CNTNAP2: variants seen among roughly 807,000 people sequenced by gnomAD.
CNTNAP2 encodes contactin-associated protein-like 2.
Under a neutral mutation model 155.2 loss-of-function variants are expected in CNTNAP2, and 98 were observed. That is an observed-to-expected ratio of 0.63 (90% CI 0.54 to 0.75). The LOEUF (loss-of-function observed/expected upper bound fraction) is 0.75. Among genes scored for constraint, CNTNAP2 ranks in the 30% least tolerant of loss-of-function variants. The pLI is 0.00. For missense variants in CNTNAP2, 1,727 were observed against 1,688.1 expected (o/e 1.02, Z -0.40); for synonymous variants, 651 against 631.2 (o/e 1.03, Z -0.47).
intron 21 of CNTNAP2, among the ~76,000 whole-genome samples, chr7:148,291,298 A>T (rs199574235): frequency 3.0e-5 from 4 of 131,352 alleles, no homozygotes; most frequent in East Asian, 2.0e-4. Flanking sequence ...ATATATATAT[A>T]ATATATATAT....
At position 148,378,669 on chromosome 7, in the gene CNTNAP2, C is replaced by T. The variant is rs1287230041; in HGVS notation, c.3476-4980C>T. On this transcript the variant is annotated intron_variant, in intron 21 of 23. Coordinates refer to ENST00000361727, the MANE Select transcript of CNTNAP2 (RefSeq NM_014141.6). Reference sequence around the variant, plus strand: ...ATGAAATGCCAGTACCGCTTGCTGTCACGATACGGTGGTGCTAAAAATACG... The same window carrying T: ...ATGAAATGCCAGTACCGCTTGCTGTTACGATACGGTGGTGCTAAAAATACG... Among the ~76,000 whole-genome samples the T allele has an allele frequency of 6.0e-5, 4 of 66,896 alleles. 2 individuals are homozygous for T. The highest frequency in any genetic ancestry group is 1.5e-4 in the African/African-American group (4 of 27,218). 43.9% of individuals were successfully genotyped at this position (66,896 alleles called of 152,430 possible).
chr7:147,406,339 A>T (rs1311345980), intron 10 of CNTNAP2, among the ~76,000 whole-genome samples: 2 of 152,218 alleles, frequency 1.3e-5, no homozygotes, highest in African/African-American at 4.8e-5. Context: ...TTTGAAAATA[A>T]CATTTTGTTT....
intron 1 of CNTNAP2, among the ~76,000 whole-genome samples, chr7:146,130,585 G>A (rs1797699727): frequency 6.6e-6 from 1 of 152,186 alleles, no homozygotes; most frequent in African/African-American, 2.4e-5. Flanking sequence ...TAACACATAT[G>A]TATGTTATTG....
intron 3 of CNTNAP2, among the ~76,000 whole-genome samples, chr7:146,948,427 C>A (rs924993078): frequency 1.3e-5 from 2 of 151,322 alleles, no homozygotes; most frequent in East Asian, 3.9e-4. Flanking sequence ...TATTGCTTAT[C>A]TTTATTTGTT....
intron 23 of CNTNAP2, among the ~76,000 whole-genome samples, chr7:148,413,427 T>A (rs1293664696): frequency 0.015 from 1,459 of 98,234 alleles, 368 homozygotes; most frequent in African/African-American, 0.045. Flanking sequence ...TATATATATA[T>A]ATATATATAT....
At chr7:146,588,106 T>C (rs1222303243) in intron 1 of CNTNAP2, among the ~76,000 whole-genome samples, 1 of 152,016 alleles carries the variant, frequency 6.6e-6, no homozygotes, top group East Asian at 1.9e-4. Context: ...ATATAGAATA[T>C]TGTAGGGAGT....
chr7:147,472,801 G>A (rs984492662), intron 10 of CNTNAP2, among the ~76,000 whole-genome samples: 2 of 152,180 alleles, frequency 1.3e-5, no homozygotes, highest in Non-Finnish European at 2.9e-5. Context: ...TGTGATGAGG[G>A]TGAGCAGAGG....
At chr7:147,217,380 A>G (rs879748548) in intron 8 of CNTNAP2, among the ~76,000 whole-genome samples, 6 of 151,784 alleles carry the variant, frequency 4.0e-5, no homozygotes, top group Admixed American at 1.3e-4. Context: ...ATTTTTTTTC[A>G]GATAATTTCT....
At chr7:147,176,568 T>G (rs1193235035) in intron 8 of CNTNAP2, among the ~76,000 whole-genome samples, 1 of 148,506 alleles carries the variant, frequency 6.7e-6, no homozygotes, top group African/African-American at 2.5e-5. Context: ...TTACTAGTTT[T>G]GTGAAATAAA....
chr7:146,643,003 G>A (rs1456192173), intron 1 of CNTNAP2, among the ~76,000 whole-genome samples: 1 of 141,988 alleles, frequency 7.0e-6, no homozygotes, highest in African/African-American at 2.7e-5. Flanking sequence ...TTTTGATGGG[G>A]TTTTTTGTTT....
At chr7:147,818,700 T>C (rs1798315735) in intron 13 of CNTNAP2, among the ~76,000 whole-genome samples, 1 of 152,220 alleles carries the variant, frequency 6.6e-6, no homozygotes, top group Non-Finnish European at 1.5e-5. Flanking sequence ...CAATGCTAAT[T>C]CTAAGCTTGT....
intron 1 of CNTNAP2, among the ~76,000 whole-genome samples, chr7:146,680,271 G>A (rs1441134298): frequency 6.6e-6 from 1 of 152,078 alleles, no homozygotes; most frequent in Non-Finnish European, 1.5e-5. Context: ...TGTTATGTGT[G>A]GAGGGAAATT....
chr7:147,056,753 C>CTTTG (rs1181761126), intron 4 of CNTNAP2, among the ~76,000 whole-genome samples: 1 of 151,884 alleles, frequency 6.6e-6, no homozygotes, highest in East Asian at 1.9e-4. Context: ...TCTGGATGAG[C>CTTTG]TTTGTTTGTT....
intron 3 of CNTNAP2, among the ~76,000 whole-genome samples, chr7:147,006,786 A>G (rs1478339976): frequency 6.6e-6 from 1 of 151,970 alleles, no homozygotes; most frequent in African/African-American, 2.4e-5. Flanking sequence ...GTTTCCTTGT[A>G]ATGCTTTTGT....
chr7:146,748,454 T>C (rs1271408664), intron 1 of CNTNAP2, among the ~76,000 whole-genome samples: 2 of 152,058 alleles, frequency 1.3e-5, no homozygotes, highest in Non-Finnish European at 2.9e-5. Flanking sequence ...CCCAAATCTA[T>C]ATGGTTTTTA....
chr7:147,131,503 G>A (rs1801359334), intron 7 of CNTNAP2, among the ~76,000 whole-genome samples: 1 of 151,736 alleles, frequency 6.6e-6, no homozygotes, highest in South Asian at 2.1e-4. Flanking sequence ...AGGAGGAGGA[G>A]TATAGAAGGG....
chr7:147,470,452 T>G (rs1306235383), intron 10 of CNTNAP2, among the ~76,000 whole-genome samples: 6 of 142,016 alleles, frequency 4.2e-5, no homozygotes, highest in African/African-American at 1.3e-4. Context: ...TCTTGGATTA[T>G]GGTAATAGCA....
chr7:146,163,517 CTA>C (rs71525927), intron 1 of CNTNAP2, among the ~76,000 whole-genome samples: 29 of 145,076 alleles, frequency 2.0e-4, no homozygotes, highest in African/African-American at 7.1e-4. Flanking sequence ...CTATATATAT[CTA>C]TATATATCTA....
At chr7:146,581,420 A>T in intron 1 of CNTNAP2, among the ~76,000 whole-genome samples, 1 of 152,144 alleles carries the variant, frequency 6.6e-6, no homozygotes, top group Non-Finnish European at 1.5e-5. Flanking sequence ...TTATAATAGC[A>T]GTAGCTGAGC....
Sources: gnomAD v4.1 joint callset for allele counts (sites outside exome capture counted in the v4.1 genomes callset) on GRCh38, gnomAD v4.1.1 for gene constraint, MANE v1.5 for transcripts, NCBI Gene and HGNC (gene_info 2026-07-23, HGNC 2026-07-21) for gene names.